The following PDE4B variants were observed in gnomAD, a reference collection of about 807,000 sequenced individuals.
PDE4B encodes phosphodiesterase 4B.
In PDE4B, 20 loss-of-function variants were observed where a neutral mutation model predicts 82.2. The observed-to-expected ratio is 0.24, with a 90% CI of 0.17 to 0.35. The LOEUF (loss-of-function observed/expected upper bound fraction) is 0.35. Ranked by LOEUF, PDE4B falls within the 10% of genes least tolerant of loss-of-function variation. PDE4B has a pLI of 1.00. For synonymous variants in PDE4B, 320 were observed against 318.9 expected (o/e 1.00, Z -0.04); for missense variants, 655 against 907.2 (o/e 0.72, Z 3.57).
chr1:66,361,007 C>T (rs1308006617), intron 9 of PDE4B, among the ~76,000 whole-genome samples: 1 of 152,124 alleles, frequency 6.6e-6, no homozygotes, highest in Non-Finnish European at 1.5e-5. Flanking sequence ...CTCTAAACCT[C>T]AAATGGTAAT....
intron 8 of PDE4B, among the ~76,000 whole-genome samples, chr1:66,339,848 TTG>T (rs1313698125): frequency 9.0e-4 from 63 of 70,242 alleles, no homozygotes; most frequent in African/African-American, 5.9e-3. Context: ...GTTTTTTTTG[TTG>T]TTTTTTTTTT....
intron 1 of PDE4B, among the ~76,000 whole-genome samples, chr1:65,907,690 T>G (rs1232031876): frequency 2.6e-5 from 4 of 152,160 alleles, no homozygotes; most frequent in Non-Finnish European, 4.4e-5. Flanking sequence ...ATTGATAAAA[T>G]TTCCAAAGAA....
At chr1:66,345,396 A>G (rs1661317916) in intron 8 of PDE4B, among the ~76,000 whole-genome samples, 1 of 152,146 alleles carries the variant, frequency 6.6e-6, no homozygotes, top group South Asian at 2.1e-4. Context: ...TCTTAGAAAG[A>G]CCTTCTTTTA....
intron 1 of PDE4B, among the ~76,000 whole-genome samples, chr1:65,874,938 A>G (rs1286790526): frequency 2.0e-5 from 3 of 152,096 alleles, no homozygotes; most frequent in African/African-American, 7.2e-5. Context: ...ACAAAAGCCA[A>G]AATTGACAAA....
chr1:66,133,415 T>C (rs1473956536), intron 3 of PDE4B, among the ~76,000 whole-genome samples: 1 of 152,224 alleles, frequency 6.6e-6, no homozygotes, highest in African/African-American at 2.4e-5. Context: ...TTACTGTCTT[T>C]ACTTTCACTA....
intron 7 of PDE4B, among the ~76,000 whole-genome samples, chr1:66,304,388 C>T (rs1658124665): frequency 6.6e-6 from 1 of 152,106 alleles, no homozygotes; most frequent in South Asian, 2.1e-4. Context: ...AAAAATACAC[C>T]TATCAATTCC....
At chr1:66,360,505 G>A (rs1369433930) in intron 9 of PDE4B, 2 of 152,224 alleles carry the variant, frequency 1.3e-5, no homozygotes, top group African/African-American at 2.4e-5. Context: ...TGGCAAAGTT[G>A]TCTTCCTACT....
In PDE4B at chr1:66,223,026, C is replaced by T. The variant is rs892882960; in HGVS notation, c.282-24434C>T. 2.0e-5 allele frequency among the ~76,000 whole-genome samples: 3 copies of T among 152,034 alleles called. No individual in the cohort carries two copies. The East Asian group carries it at 5.8e-4, about 29-fold the overall frequency. On this transcript the variant is annotated intron_variant, in intron 3 of 16. Coordinates refer to ENST00000341517, the MANE Select transcript of PDE4B (RefSeq NM_002600.4). ...ATAGTTCCTCATTATTATTTTTTAA[C>T]GAAACGTTAACTCTAGTGTATATCC...
intron 7 of PDE4B, among the ~76,000 whole-genome samples, chr1:66,299,578 C>G (rs531783072): frequency 6.6e-6 from 1 of 152,102 alleles, no homozygotes; most frequent in South Asian, 2.1e-4. Flanking sequence ...GGATAAATAC[C>G]CAGTAGTGGG....
intron 1 of PDE4B, among the ~76,000 whole-genome samples, chr1:65,856,534 T>C (rs548230751): frequency 1.3e-5 from 2 of 152,330 alleles, no homozygotes; most frequent in African/African-American, 4.8e-5. Context: ...GACTGCATAG[T>C]ATTCCATGGT....
At chr1:65,891,399 TC>T (rs2100386649) in intron 1 of PDE4B, among the ~76,000 whole-genome samples, 1 of 152,188 alleles carries the variant, frequency 6.6e-6, no homozygotes, top group African/African-American at 2.4e-5. Context: ...GTTACTTCTT[TC>T]TTTGGTAGTT....
At chr1:66,156,254 T>G (rs1570360100) in intron 3 of PDE4B, among the ~76,000 whole-genome samples, 2 of 152,148 alleles carry the variant, frequency 1.3e-5, no homozygotes, top group Non-Finnish European at 1.5e-5. Flanking sequence ...AATTTAATCC[T>G]TTTTCGGTCT....
intron 3 of PDE4B, among the ~76,000 whole-genome samples, chr1:65,951,783 C>G (rs956022550): frequency 6.6e-6 from 1 of 152,038 alleles, no homozygotes; most frequent in African/African-American, 2.4e-5. Context: ...TATATAGATC[C>G]CAATGTTCTT....
At chr1:65,945,446 A>C (rs1449073334) in intron 3 of PDE4B, among the ~76,000 whole-genome samples, 1 of 151,994 alleles carries the variant, frequency 6.6e-6, no homozygotes, top group Non-Finnish European at 1.5e-5. Context: ...AGGCAAACCC[A>C]GACCAAGAAT....
At chr1:65,966,169 C>G (rs543178971) in intron 3 of PDE4B, among the ~76,000 whole-genome samples, 2 of 152,272 alleles carry the variant, frequency 1.3e-5, no homozygotes, top group South Asian at 4.1e-4. Flanking sequence ...AGGCCAAAAT[C>G]TCCTTAAGCT....
chr1:66,186,795 T>C (rs911858664), intron 3 of PDE4B, among the ~76,000 whole-genome samples: 3 of 152,314 alleles, frequency 2.0e-5, no homozygotes, highest in Admixed American at 6.5e-5. Context: ...ACAATTTGAC[T>C]TCCTCTTTTC....
chr1:66,017,837 AAT>A (rs1553133084), intron 3 of PDE4B, among the ~76,000 whole-genome samples: 4 of 151,078 alleles, frequency 2.6e-5, no homozygotes, highest in African/African-American at 7.3e-5. Context: ...ATTTTTAAAA[AAT>A]ATATATATAT....
chr1:66,239,340 T>C (rs531886705), intron 3 of PDE4B, among the ~76,000 whole-genome samples: 1 of 152,200 alleles, frequency 6.6e-6, no homozygotes, highest in Admixed American at 6.5e-5. Flanking sequence ...AATGTCTACA[T>C]ACAGAAAACA....
chr1:66,278,587 C>G (rs1030503938), intron 7 of PDE4B, among the ~76,000 whole-genome samples: 2 of 152,230 alleles, frequency 1.3e-5, no homozygotes, highest in Admixed American at 1.3e-4. Flanking sequence ...CTATGACTTC[C>G]TTTTCATCCC....
Sources: allele counts gnomAD v4.1 joint callset (sites outside exome capture counted in the v4.1 genomes callset), GRCh38; gene constraint gnomAD v4.1.1; transcripts MANE v1.5; gene names NCBI Gene and HGNC (gene_info 2026-07-23, HGNC 2026-07-21).